CFAP299: variants seen among roughly 807,000 people sequenced by gnomAD.
The protein encoded by CFAP299 is cilia and flagella associated protein 299, also known as cilia- and flagella-associated protein 299.
Under a neutral mutation model 27.0 loss-of-function variants are expected in CFAP299, and 21 were observed. The observed-to-expected ratio is 0.78, with a 90% CI of 0.55 to 1.12. CFAP299 has a LOEUF of 1.12. Ranked by LOEUF, CFAP299 falls within the 50% of genes most tolerant of loss-of-function variation. The pLI is 0.00. For synonymous variants in CFAP299, 104 were observed against 98.1 expected (o/e 1.06, Z -0.36); for missense variants, 310 against 276.6 (o/e 1.12, Z -0.86).
At chr4:80,916,227 A>C (rs1173677760) in intron 4 of CFAP299, among the ~76,000 whole-genome samples, 1 of 129,940 alleles carries the variant, frequency 7.7e-6, no homozygotes, top group Non-Finnish European at 1.6e-5. Context: ...GTACCATTGC[A>C]CTCTGGTCTG....
chr4:80,848,682 C>T (rs570888353), intron 3 of CFAP299, among the ~76,000 whole-genome samples: 1 of 151,884 alleles, frequency 6.6e-6, no homozygotes, highest in Non-Finnish European at 1.5e-5. Context: ...GAGGCTGAGA[C>T]GGAGGATCAG....
At chr4:80,906,893 A>G (rs1273427869) in intron 4 of CFAP299, among the ~76,000 whole-genome samples, 1 of 152,008 alleles carries the variant, frequency 6.6e-6, no homozygotes, top group Non-Finnish European at 1.5e-5. Flanking sequence ...CCCTGGAGAC[A>G]TTTTCCCCAT....
chr4:80,327,693 TATA>T, the CFAP299 span, among the ~76,000 whole-genome samples: 161 of 24,902 alleles, frequency 6.5e-3, 1 homozygote, highest in African/African-American at 0.014. Flanking sequence ...AGAGAAGTTA[TATA>T]TATATATATA....
At chr4:80,892,279 T>C (rs1734347242) in intron 4 of CFAP299, among the ~76,000 whole-genome samples, 1 of 152,112 alleles carries the variant, frequency 6.6e-6, no homozygotes, top group Admixed American at 6.6e-5. Flanking sequence ...GTTGAATAAA[T>C]GGTGCTGGGA....
intron 2 of CFAP299, among the ~76,000 whole-genome samples, chr4:80,418,388 A>G (rs1184785041): frequency 1.3e-5 from 2 of 152,216 alleles, no homozygotes; most frequent in Admixed American, 6.5e-5. Flanking sequence ...ACAGTTGTAT[A>G]TATTTATAGG....
chr4:80,530,899 T>C (rs889443797), intron 2 of CFAP299, among the ~76,000 whole-genome samples: 4 of 152,184 alleles, frequency 2.6e-5, no homozygotes, highest in Non-Finnish European at 5.9e-5. Flanking sequence ...TGGTAGGAAA[T>C]GAGATCCAAG....
At chr4:80,555,604 T>C (rs1578592966) in intron 2 of CFAP299, among the ~76,000 whole-genome samples, 1 of 152,134 alleles carries the variant, frequency 6.6e-6, no homozygotes, top group African/African-American at 2.4e-5. Flanking sequence ...CTGGTAGAAT[T>C]TGGCTGTAAG....
intron 3 of CFAP299, among the ~76,000 whole-genome samples, chr4:80,678,501 A>G (rs1464422431): frequency 6.6e-6 from 1 of 152,048 alleles, no homozygotes; most frequent in Admixed American, 6.6e-5. Context: ...CCTTATAATT[A>G]TGTGCTATTA....
chr4:80,951,918 C>A, intron 5 of CFAP299, among the ~76,000 whole-genome samples: 1 of 152,166 alleles, frequency 6.6e-6, no homozygotes, highest in East Asian at 1.9e-4. Flanking sequence ...TAATGAGATA[C>A]AACTGCACTA....
intron 3 of CFAP299, among the ~76,000 whole-genome samples, chr4:80,780,584 T>G (rs1291365540): frequency 6.6e-6 from 1 of 152,104 alleles, no homozygotes; most frequent in African/African-American, 2.4e-5. Context: ...AAATTATTCT[T>G]ATCAGTCTCC....
chr4:80,620,076 T>A (rs1577941123), intron 3 of CFAP299, among the ~76,000 whole-genome samples: 5 of 152,272 alleles, frequency 3.3e-5, no homozygotes, highest in Middle Eastern at 6.8e-3. Flanking sequence ...TATTTTGTCT[T>A]TGTTCTTGTT....
chr4:80,611,309 A>G (rs1737964803), intron 3 of CFAP299, among the ~76,000 whole-genome samples: 1 of 150,454 alleles, frequency 6.6e-6, no homozygotes, highest in Non-Finnish European at 1.5e-5. Flanking sequence ...ATTGTTGAGC[A>G]AAGTTTTAAA....
At chr4:80,656,344 T>C (rs1211157384) in intron 3 of CFAP299, among the ~76,000 whole-genome samples, 2 of 152,232 alleles carry the variant, frequency 1.3e-5, no homozygotes, top group South Asian at 2.1e-4. Flanking sequence ...TCATCTACAC[T>C]AGGTATTTCT....
chr4:80,917,152 A>T (rs1735807580), intron 4 of CFAP299, among the ~76,000 whole-genome samples: 1 of 152,192 alleles, frequency 6.6e-6, no homozygotes, highest in African/African-American at 2.4e-5. Flanking sequence ...GCAAAGAAAA[A>T]TAGCTTCAAG....
chr4:80,703,704 C>G (rs921637065), intron 3 of CFAP299, among the ~76,000 whole-genome samples: 1 of 151,620 alleles, frequency 6.6e-6, no homozygotes, highest in African/African-American at 2.4e-5. Context: ...ACTTTTCCAG[C>G]CCTTTCTCCC....
chr4:80,667,930 C>T (rs972183330), intron 3 of CFAP299, among the ~76,000 whole-genome samples: 2 of 151,966 alleles, frequency 1.3e-5, no homozygotes, highest in Non-Finnish European at 2.9e-5. Flanking sequence ...TTAATTTACA[C>T]TCCCACCAAC....
intron 4 of CFAP299, among the ~76,000 whole-genome samples, chr4:80,889,615 C>T (rs972086288): frequency 1.3e-5 from 2 of 152,062 alleles, no homozygotes; most frequent in African/African-American, 4.8e-5. Flanking sequence ...TACTTCCAAA[C>T]TTATTCTACA....
chr4:80,908,557 G>C (rs868042333), intron 4 of CFAP299, among the ~76,000 whole-genome samples: 2 of 152,098 alleles, frequency 1.3e-5, no homozygotes, highest in South Asian at 2.1e-4. Flanking sequence ...CTCTGATTTG[G>C]TGATGTACCT....
chr4:80,680,204 A>G (rs966352502), intron 3 of CFAP299, among the ~76,000 whole-genome samples: 2 of 152,096 alleles, frequency 1.3e-5, no homozygotes, highest in Admixed American at 6.6e-5. Flanking sequence ...TAATTTAGAC[A>G]TCTTTCCAAG....
Sources: gnomAD v4.1 joint callset for allele counts (sites outside exome capture counted in the v4.1 genomes callset) on GRCh38, gnomAD v4.1.1 for gene constraint, MANE v1.5 for transcripts, NCBI Gene and HGNC (gene_info 2026-07-23, HGNC 2026-07-21) for gene names.